The following RHPN1 variants were observed in gnomAD, a reference collection of about 807,000 sequenced individuals.
The protein encoded by RHPN1 is rhophilin-1.
In RHPN1, 77 loss-of-function variants were observed where a neutral mutation model predicts 74.7. The observed-to-expected ratio is 1.03, with a 90% CI of 0.86 to 1.25. The LOEUF is 1.25. RHPN1 is among the 50% of genes most tolerant of loss of function. The pLI is 0.00. For synonymous variants in RHPN1, 444 were observed against 414.5 expected, an observed-to-expected ratio of 1.07 and a Z score of -0.87; for missense variants, 987 against 932.2, an observed-to-expected ratio of 1.06 and a Z score of -0.77.
Position 143,369,144 on chromosome 8 carries a change from T to C in RHPN1, c.60+97T>C, listed in dbSNP as rs1237310984. The C allele has an allele frequency of 5.4e-6, 5 of 928,350 alleles. No homozygotes were observed. The South Asian group carries it at 1.0e-4, about 19-fold the overall frequency. The allele number at this position is 928,350 out of a possible 1,614,324, so 57.5% of individuals were successfully genotyped here. A position where few individuals can be genotyped will look rare whatever the true frequency, so the allele number is the denominator to read the frequency against. Reference sequence around the variant, plus strand: ...GCGTTCCGGGCGCCCCCCTCCTACGTCTCATTCGGCCCGGACGCAGGCAGG... The same window carrying C: ...GCGTTCCGGGCGCCCCCCTCCTACGCCTCATTCGGCCCGGACGCAGGCAGG... On this transcript the variant is annotated intron_variant, in intron 1 of 14. Coordinates refer to ENST00000289013, the MANE Select transcript of RHPN1 (RefSeq NM_052924.3).
chr8:143,369,086 G>A (rs1322970974), intron 1 of RHPN1, 39 bp downstream of exon 1: 1 of 1,436,628 alleles, frequency 7.0e-7, no homozygotes, highest in South Asian at 1.4e-5. Flanking sequence ...GAGGGGCCCG[G>A]AATCCCGGCC....
intron 8 of RHPN1, 120 bp downstream of exon 8, chr8:143,379,628 GT>G (rs1416722846): frequency 6.9e-7 from 1 of 1,449,848 alleles, no homozygotes; most frequent in Non-Finnish European, 9.1e-7. Flanking sequence ...CGAGCCAGCT[GT>G]TGTCCTGCTC....
intron 1 of RHPN1, among the ~76,000 whole-genome samples, chr8:143,372,782 G>A (rs1329803822): frequency 6.8e-6 from 1 of 147,392 alleles, no homozygotes; most frequent in Non-Finnish European, 1.5e-5. Context: ...GGATGGTACA[G>A]GTGTCTGGGG....
In RHPN1 at chr8:143,377,451, T is replaced by C; in HGVS notation, c.377T>C (p.Leu126Pro). Residue 126 changes from leucine to proline, a missense_variant, in exon 4 of 15, where the codon CTG (leucine) becomes CCG (proline). Coordinates refer to ENST00000289013, the MANE Select transcript of RHPN1 (RefSeq NM_052924.3). The part of the protein sequence containing the change: ...ETKELDWSTP[L>P]KELISVHFGE... Reference sequence around the variant, plus strand: ...AAGGAGCTGGACTGGTCTACACCGCTGAAGGTAGGTACTGGCCTCCAAGCT... The same window carrying C: ...AAGGAGCTGGACTGGTCTACACCGCCGAAGGTAGGTACTGGCCTCCAAGCT... The C allele has an allele frequency of 1.2e-6, 2 of 1,612,010 alleles. No individual in the cohort carries two copies. The highest frequency in any genetic ancestry group is 1.1e-5 in the South Asian group (1 of 91,042).
upstream of RHPN1, among the ~76,000 whole-genome samples, chr8:143,365,135 C>A (rs374874404): frequency 1.3e-5 from 2 of 152,248 alleles, no homozygotes; most frequent in South Asian, 2.1e-4. Context: ...CCAAAGCCCA[C>A]CTCTTCCACT....
chr8:143,368,651 G>C (rs766946885), upstream of RHPN1: 3 of 192,088 alleles, frequency 1.6e-5, no homozygotes, highest in Admixed American at 6.1e-5. Context: ...AGCCAGCCGC[G>C]GGCGTTCCGG....
chr8:143,377,434 G>A lies in RHPN1; in HGVS notation c.360G>A (p.Leu120=), dbSNP rs747731322. The A allele has an allele frequency of 1.9e-6, 3 of 1,613,022 alleles. No individual in the cohort carries two copies. The African/African-American group carries it at 4.0e-5, about 22-fold the overall frequency. The change falls in exon 4 of 15, where the codon CTG becomes CTA. Residue 120 remains leucine (L), a synonymous_variant. Coordinates refer to ENST00000289013, the MANE Select transcript of RHPN1 (RefSeq NM_052924.3). ...IPLGLKETKE[L]DWSTPLKELI... ...TGGGCCTGAAGGAGACCAAGGAGCTGGACTGGTCTACACCGCTGAAGGTAG... is the reference window on the plus strand; with the variant it reads ...TGGGCCTGAAGGAGACCAAGGAGCTAGACTGGTCTACACCGCTGAAGGTAG...
At chr8:143,375,828 A>G (rs1273508778) in intron 2 of RHPN1, among the ~76,000 whole-genome samples, 160 bp downstream of exon 2, 2 of 152,242 alleles carry the variant, frequency 1.3e-5, no homozygotes, top group African/African-American at 2.4e-5. Context: ...ATGCTCAGCC[A>G]TGACCCTCAC....
chr8:143,368,925 G>A lies in RHPN1; in HGVS notation c.-63G>A. On this transcript the variant is annotated 5_prime_UTR_variant, in exon 1 of 15. Transcript: ENST00000289013. ...GTGCGGGCGGCCCTAGCCCGGCTGC[G>A]GAGCGCTGCGCGAGCGGCGGGCTGG... The A allele has an allele frequency of 7.5e-7, 1 of 1,339,478 alleles. No individual in the cohort carries two copies. Among genetic ancestry groups the A allele is most frequent in the Non-Finnish European group, 9.7e-7 (1 of 1,028,514 alleles). The allele number at this position is 1,339,478 out of a possible 1,614,324, so 83.0% of individuals were successfully genotyped here. A position where few individuals can be genotyped will look rare whatever the true frequency, so the allele number is the denominator to read the frequency against.
At chr8:143,377,944 G>A (rs1416071864) in intron 4 of RHPN1, among the ~76,000 whole-genome samples, 3 of 152,202 alleles carry the variant, frequency 2.0e-5, no homozygotes, top group East Asian at 1.9e-4. Context: ...CCTGCCTCCC[G>A]GCCACGGGGA....
chr8:143,378,356 T>TCCCCCCCCCCCCCCCCCCCC lies in RHPN1; in HGVS notation c.459+15_459+16insCCCCCCCCCCCCCCCCCCCC. On this transcript the variant is annotated intron_variant, in intron 5 of 14. Coordinates refer to ENST00000289013, the MANE Select transcript of RHPN1 (RefSeq NM_052924.3). ...GGAGGCCCTGCGGCAGGTGTGTGGT[T>TCCCCCCCCCCCCCCCCCCCC]CCCCCGCCCACCCACCCTCCTGCAG... 6.6e-7 allele frequency: 1 copy of TCCCCCCCCCCCCCCCCCCCC among 1,525,434 alleles called. No individual in the cohort carries two copies. The highest frequency in any genetic ancestry group is 2.5e-5 in the East Asian group (1 of 40,516). The allele number at this position is 1,525,434 out of a possible 1,614,324, so 94.5% of individuals were successfully genotyped here. A position where few individuals can be genotyped will look rare whatever the true frequency, so the allele number is the denominator to read the frequency against.
In RHPN1 at chr8:143,378,356, T is replaced by TCGGGGGGGGGCC; in HGVS notation, c.459+11_459+12insGGGGGGGGGCCC. 3 of 1,525,426 alleles carry TCGGGGGGGGGCC rather than the reference T, an allele frequency of 2.0e-6. No individual in the cohort carries two copies. Among genetic ancestry groups the TCGGGGGGGGGCC allele is most frequent in the East Asian group, 2.5e-5 (1 of 40,516 alleles). The allele number at this position is 1,525,426 out of a possible 1,614,324, so 94.5% of individuals were successfully genotyped here. A position where few individuals can be genotyped will look rare whatever the true frequency, so the allele number is the denominator to read the frequency against. The stretch of plus-strand genomic sequence containing the variant: ...GGAGGCCCTGCGGCAGGTGTGTGGT[T>TCGGGGGGGGGCC]CCCCCGCCCACCCACCCTCCTGCAG... On this transcript the variant is annotated intron_variant, in intron 5 of 14. Coordinates refer to ENST00000289013, the MANE Select transcript of RHPN1 (RefSeq NM_052924.3).
At chr8:143,375,475 C>T in intron 1 of RHPN1, 78 bp from the exon 2 acceptor site, 3 of 966,918 alleles carry the variant, frequency 3.1e-6, no homozygotes, top group South Asian at 1.7e-5. Flanking sequence ...AGGATGCACT[C>T]CTCTCAGTGG....
At chr8:143,381,223 G>C in intron 11 of RHPN1, 45 bp from the exon 12 acceptor site, 1 of 1,538,334 alleles carries the variant, frequency 6.5e-7, no homozygotes, top group Non-Finnish European at 8.9e-7. Flanking sequence ...CCCGAGGCAG[G>C]TCTCCACAGT....
intron 1 of RHPN1, among the ~76,000 whole-genome samples, chr8:143,373,776 A>G (rs970623923): frequency 6.4e-4 from 98 of 152,032 alleles, no homozygotes; most frequent in Non-Finnish European, 4.4e-5. Flanking sequence ...CTGCCTTCCC[A>G]TGGCCACCTC....
chr8:143,381,994 C>T (rs375313762), intron 14 of RHPN1, 26 bp downstream of exon 14: 165 of 1,545,258 alleles, frequency 1.1e-4, no homozygotes, highest in Admixed American at 5.8e-4. Context: ...CCCAGAGGGG[C>T]GGTCCCCAGC....
chr8:143,369,856 G>T (rs1006962198), intron 1 of RHPN1, among the ~76,000 whole-genome samples: 2 of 152,262 alleles, frequency 1.3e-5, no homozygotes, highest in African/African-American at 4.8e-5. Context: ...TTGTCCCTGG[G>T]CTGGTTCTAC....
At chr8:143,368,603 T>G (rs560292623), upstream of RHPN1, 1 of 161,038 alleles carries the variant, frequency 6.2e-6, no homozygotes, top group Non-Finnish European at 1.3e-5. Context: ...TCCCGCACGC[T>G]CAGCGGCCGC....
In RHPN1 at chr8:143,380,706, A is replaced by C; in HGVS notation, c.1334A>C (p.Gln445Pro). The C allele has an allele frequency of 1.9e-6, 3 of 1,591,030 alleles. No homozygotes were observed. The highest frequency in any genetic ancestry group is 2.3e-5 in the South Asian group (2 of 87,478). Residue 445 changes from glutamine to proline, a missense_variant, in exon 11 of 15, where the codon CAG (glutamine) becomes CCG (proline). Transcript: ENST00000289013. ...LLRAVISQTL[Q>P]RSLAKYAELD... Reference sequence around the variant, plus strand: ...CGGGCTGTGATCTCCCAGACGCTGCAGCGCTCACTGGCCAAGTATGCGGAG... The same window carrying C: ...CGGGCTGTGATCTCCCAGACGCTGCCGCGCTCACTGGCCAAGTATGCGGAG...
Sources: allele counts gnomAD v4.1 joint callset (sites outside exome capture counted in the v4.1 genomes callset), GRCh38; gene constraint gnomAD v4.1.1; transcripts MANE v1.5; gene names NCBI Gene and HGNC (gene_info 2026-07-23, HGNC 2026-07-21).